Variants in DAB1 observed in about 807,000 individuals in gnomAD.
DAB1 encodes the protein disabled homolog 1.
DAB1 carries 15 observed loss-of-function variants against 64.6 expected under a neutral mutation model. The ratio of observed to expected loss-of-function variants is 0.23; its 90% CI spans 0.16 to 0.36. The LOEUF (loss-of-function observed/expected upper bound fraction) is 0.36, where lower values mean the gene tolerates loss of function less well. Among genes scored for constraint, DAB1 ranks in the 10% least tolerant of loss-of-function variants. The pLI, the probability that DAB1 is intolerant of heterozygous loss-of-function variation, is 1.00. For missense variants in DAB1, 596 were observed against 706.7 expected, an observed-to-expected ratio of 0.84 and a Z score of 1.78; for synonymous variants, 235 against 251.9, an observed-to-expected ratio of 0.93 and a Z score of 0.64.
At chr1:57,367,283 C>CA (rs890961495) in intron 1 of DAB1, among the ~76,000 whole-genome samples, 49 of 150,864 alleles carry the variant, frequency 3.2e-4, no homozygotes, top group African/African-American at 8.3e-4. Flanking sequence ...TCAAAAAAAA[C>CA]AAAAAAAAGT....
intron 6 of DAB1, among the ~76,000 whole-genome samples, chr1:57,754,916 T>G (rs776712799): frequency 7.9e-5 from 12 of 152,096 alleles, no homozygotes; most frequent in Non-Finnish European, 1.6e-4. Context: ...TTTTCACTTT[T>G]CATCCAAACC....
chr1:58,009,366 T>C (rs1173852235), intron 5 of DAB1, among the ~76,000 whole-genome samples: 1 of 152,164 alleles, frequency 6.6e-6, no homozygotes, highest in Non-Finnish European at 1.5e-5. Context: ...ATGAACAATG[T>C]TCAAACTTCA....
At chr1:57,499,305 G>C (rs1348905617) in intron 7 of DAB1, among the ~76,000 whole-genome samples, 2 of 152,166 alleles carry the variant, frequency 1.3e-5, no homozygotes, top group African/African-American at 4.8e-5. Flanking sequence ...GAAGGTGAAA[G>C]ATTTCTCATT....
intron 5 of DAB1, among the ~76,000 whole-genome samples, chr1:58,070,696 C>T (rs913395273): frequency 1.3e-5 from 2 of 152,158 alleles, no homozygotes; most frequent in Non-Finnish European, 2.9e-5. Flanking sequence ...CGAGGAGTGG[C>T]TAGACTCGGG....
At chr1:57,553,825 G>A (rs1558487838) in intron 7 of DAB1, among the ~76,000 whole-genome samples, 1 of 152,236 alleles carries the variant, frequency 6.6e-6, no homozygotes, top group East Asian at 1.9e-4. Context: ...GGTGCTCATT[G>A]GCAATCCTGG....
chr1:57,643,725 CT>C (rs1329986415), intron 7 of DAB1, among the ~76,000 whole-genome samples: 1 of 152,032 alleles, frequency 6.6e-6, no homozygotes. Flanking sequence ...AAAATGTGTC[CT>C]GATTTGCCAC....
chr1:57,143,563 T>C (rs1658817381), intron 3 of DAB1, among the ~76,000 whole-genome samples: 1 of 152,222 alleles, frequency 6.6e-6, no homozygotes, highest in Non-Finnish European at 1.5e-5. Flanking sequence ...TTTGTTTATA[T>C]AACAGGTTAA....
intron 1 of DAB1, chr1:57,386,631 A>G (rs1681883056): frequency 6.6e-6 from 1 of 152,132 alleles, no homozygotes; most frequent in African/African-American, 2.4e-5. Context: ...AGATCAAAAG[A>G]TTCACCTAAG....
At chr1:57,467,829 G>A (rs1312530408) in intron 7 of DAB1, among the ~76,000 whole-genome samples, 1 of 152,160 alleles carries the variant, frequency 6.6e-6, no homozygotes, top group South Asian at 2.1e-4. Context: ...TTTACAGTGG[G>A]CAGAAAGAAA....
rs76501458 is a variant in DAB1, at chr1:58,295,467, C to A, written n.309+47885G>T. On this transcript the variant is annotated intron_variant and non_coding_transcript_variant, in intron 4 of 20. Transcript: ENST00000485760. ...CTCTGTCAATTCTAGATCTAGAGAG[C>A]CCACAATAGCTTTTGGAGTCACTGA... Among the ~76,000 whole-genome samples, 1,407 of 152,180 alleles carry A rather than the reference C, an allele frequency of 9.2e-3. 15 individuals are homozygous for A. Among genetic ancestry groups the A allele is most frequent in the Non-Finnish European group, 0.015 (1,002 of 67,984 alleles).
At chr1:57,133,321 G>A (rs1657793510) in intron 4 of DAB1, among the ~76,000 whole-genome samples, 1 of 152,146 alleles carries the variant, frequency 6.6e-6, no homozygotes, top group Non-Finnish European at 1.5e-5. Flanking sequence ...CATGGTGAAT[G>A]GAGAGAGAAT....
chr1:57,896,110 T>A (rs1479404457), intron 5 of DAB1, among the ~76,000 whole-genome samples: 1 of 152,166 alleles, frequency 6.6e-6, no homozygotes, highest in African/African-American at 2.4e-5. Context: ...CTGAGTGGGA[T>A]GGGCACTTGC....
chr1:58,125,022 C>T (rs1403793477), intron 5 of DAB1, among the ~76,000 whole-genome samples: 2 of 151,980 alleles, frequency 1.3e-5, no homozygotes, highest in Non-Finnish European at 2.9e-5. Context: ...AAGGGGGATT[C>T]AAGGTCTGAT....
At position 57,145,310 on chromosome 1, in the gene DAB1, C is replaced by G; in HGVS notation, c.187G>C (p.Asp63His). The G allele has an allele frequency of 6.2e-7, 1 of 1,614,076 alleles. No homozygotes were observed. The change falls in exon 3 of 15, where the codon GAT becomes CAT. Residue 63 changes from aspartate (D) to histidine (H), a missense_variant. Asp to His is a moderately conservative substitution (Grantham distance 81). Transcript: ENST00000371236. ...SAARGDKLCQ[D>H]SMMKLKGVVA... ...AGCACCTTGAGTTTCATCATGGAAT[C>G]TTGACATAACTTGTCTCCCCGAGCT...
chr1:57,483,303 T>C (rs1239983995), intron 7 of DAB1, among the ~76,000 whole-genome samples: 1 of 152,254 alleles, frequency 6.6e-6, no homozygotes, highest in East Asian at 1.9e-4. Flanking sequence ...GGGAGTCCAG[T>C]GGGAAATAAT....
At chr1:57,082,927 A>T (rs528869906) in intron 4 of DAB1, among the ~76,000 whole-genome samples, 1 of 152,318 alleles carries the variant, frequency 6.6e-6, no homozygotes, top group Non-Finnish European at 1.5e-5. Context: ...AGGCTGAATA[A>T]GTATGGAAAC....
At chr1:57,053,409 G>A (rs142467499) in intron 9 of DAB1, among the ~76,000 whole-genome samples, 73 of 151,822 alleles carry the variant, frequency 4.8e-4, no homozygotes, top group South Asian at 2.1e-3. Flanking sequence ...TACCATGCCC[G>A]GCTAATTGTT....
In DAB1 at chr1:57,986,223, A is replaced by C. The variant is rs186920122; in HGVS notation, n.388-102061T>G. ...GGCCTGAATGTTTGCGTGCCTGCAA[A>C]ATTCATATATTGAAATCCTAACCCC... On this transcript the variant is annotated intron_variant and non_coding_transcript_variant, in intron 5 of 20. Coordinates refer to the DAB1 transcript ENST00000485760. Among the ~76,000 whole-genome samples, 11 of 152,198 alleles carry C rather than the reference A, an allele frequency of 7.2e-5. No homozygotes were observed. The East Asian group carries it at 2.1e-3, about 29-fold the overall frequency.
chr1:57,185,840 T>C (rs1302474075), intron 2 of DAB1, among the ~76,000 whole-genome samples: 1 of 152,130 alleles, frequency 6.6e-6, no homozygotes, highest in Non-Finnish European at 1.5e-5. Flanking sequence ...TCTCAAAGAC[T>C]CCAAGTTGAG....
Sources: allele counts gnomAD v4.1 joint callset (sites outside exome capture counted in the v4.1 genomes callset), GRCh38; gene constraint gnomAD v4.1.1; transcripts MANE v1.5; gene names NCBI Gene and HGNC (gene_info 2026-07-23, HGNC 2026-07-21).